The following MYOF variants were observed in gnomAD, a reference collection of about 807,000 sequenced individuals.
MYOF encodes fer-1-like 3, myoferlin.
Under a neutral mutation model 284.2 loss-of-function variants are expected in MYOF, and 244 were observed. That is an observed-to-expected ratio of 0.86 (90% confidence interval 0.77 to 0.95). The LOEUF is 0.95. MYOF is among the 40% of genes least tolerant of loss of function. MYOF has a pLI of 0.00. For synonymous variants in MYOF, 904 were observed against 919.7 expected (o/e 0.98, Z 0.31); for missense variants, 2,496 against 2,560.6 (o/e 0.97, Z 0.54).
chr10:93,464,284 C>A (rs1250561011), intron 1 of MYOF, among the ~76,000 whole-genome samples: 1 of 152,186 alleles, frequency 6.6e-6, no homozygotes, highest in East Asian at 1.9e-4. Context: ...GCCCGCCCTG[C>A]AAATTTCAGA....
Position 93,355,756 on chromosome 10 carries a change from T to C in MYOF, c.3295-20A>G. ...TGCCCCCTGAAGTCAATTAACAGAG[T>C]CAATTAGCAGAGAAGTCAATAAACA... On this transcript the variant is annotated intron_variant, in intron 30 of 53. Coordinates refer to ENST00000359263, the MANE Select transcript of MYOF (RefSeq NM_013451.4). 1 of 1,588,736 alleles carries C rather than the reference T, an allele frequency of 6.3e-7. No individual in the cohort carries two copies. The highest frequency in any genetic ancestry group is 1.1e-5 in the South Asian group (1 of 89,972).
rs761425525 is a variant in MYOF at position 93,389,122 on chromosome 10, G to C, written c.1489C>G (p.Pro497Ala). 5.6e-6 allele frequency: 9 copies of C among 1,613,922 alleles called. No individual in the cohort carries two copies. The highest frequency in any genetic ancestry group is 7.6e-6 in the Non-Finnish European group (9 of 1,179,978). Residue 497 changes from proline to alanine, a missense_variant, in exon 18 of 54, where the codon CCA (proline) becomes GCA (alanine). Physicochemically the swap from Pro to Ala is conservative, Grantham distance 27. Transcript: ENST00000359263. ...NTGETEVGFVPTFGPCYLNLY... is the reference protein window; with the variant it reads ...NTGETEVGFVATFGPCYLNLY... ...TTCAGGTAACAAGGTCCAAACGTTG[G>C]AACAAAGCCTACCTCTGTTTCTCCT...
Position 93,374,932 on chromosome 10 carries a change from C to G in MYOF, c.2132G>C (p.Gly711Ala). The change falls in exon 23 of 54, where the codon GGA becomes GCA. Residue 711 changes from glycine (G) to alanine (A), a missense_variant. Gly to Ala is a moderately conservative substitution (Grantham distance 60, BLOSUM62 0). Around this residue, in one of 3 missense-constraint regions of MYOF, gnomAD observed 2,436 missense variants for 2,480.7 expected, o/e 0.98. Coordinates refer to ENST00000359263, the MANE Select transcript of MYOF (RefSeq NM_013451.4). Reference sequence around the variant, plus strand: ...ATCGAGAACTGTGACGTTGGCTTTTCCTTCTGTGAGAGGCAACGTGTATCT... The same window carrying G: ...ATCGAGAACTGTGACGTTGGCTTTTGCTTCTGTGAGAGGCAACGTGTATCT... ...DTRYTLPLTE[G>A]KANVTVLDTQ... is the part of the protein sequence containing the mutation. 5 of 1,613,326 alleles carry G rather than the reference C, an allele frequency of 3.1e-6. No individual in the cohort carries two copies. The highest frequency in any genetic ancestry group is 4.2e-6 in the Non-Finnish European group (5 of 1,179,788).
intron 17 of MYOF, among the ~76,000 whole-genome samples, chr10:93,390,898 A>T (rs1264660807): frequency 6.6e-6 from 1 of 152,226 alleles, no homozygotes; most frequent in Non-Finnish European, 1.5e-5. Context: ...GTCATGTCAC[A>T]TTATGGATGG....
At chr10:93,395,649 C>G (rs760597269) in intron 16 of MYOF, among the ~76,000 whole-genome samples, 1 of 151,842 alleles carries the variant, frequency 6.6e-6, no homozygotes, top group Non-Finnish European at 1.5e-5. Context: ...AGAGTAAAGA[C>G]CAAATACACA....
chr10:93,387,900 G>A lies in MYOF; in HGVS notation c.1595C>T (p.Ala532Val), dbSNP rs1846470167. Residue 532 changes from alanine to valine, a missense_variant, in exon 19 of 54, where the codon GCC (alanine) becomes GTC (valine). Around this residue, in one of 3 missense-constraint regions of MYOF, gnomAD observed 2,436 missense variants for 2,480.7 expected, o/e 0.98. Coordinates refer to ENST00000359263, the MANE Select transcript of MYOF (RefSeq NM_013451.4). The stretch of plus-strand genomic sequence containing the variant: ...TTCAACCAAGATCCTGCCTCTGTAG[G>A]CAACTCCTTCCCCCTGAAAGGCAAT... ...ELNTGKGEGV[A>V]YRGRILVELA... is the part of the protein sequence containing the mutation. 6.2e-7 allele frequency: 1 copy of A among 1,613,436 alleles called. No homozygotes were observed. Among genetic ancestry groups the A allele is most frequent in the South Asian group, 1.1e-5 (1 of 91,076 alleles).
intron 48 of MYOF, among the ~76,000 whole-genome samples, chr10:93,322,383 C>A (rs1463024883): frequency 6.6e-6 from 1 of 152,154 alleles, no homozygotes; most frequent in Non-Finnish European, 1.5e-5. Context: ...TAATCATTAT[C>A]ACCATTTTAC....
Position 93,333,894 on chromosome 10 carries a change from G to C in MYOF, c.4583C>G (p.Pro1528Arg), listed in dbSNP as rs770515398. Residue 1528 changes from proline to arginine, a missense_variant, in exon 42 of 54, where the codon CCT becomes CGT. Pro to Arg is a moderately radical substitution (Grantham distance 103). Coordinates refer to ENST00000359263, the MANE Select transcript of MYOF (RefSeq NM_013451.4). ...GEFKGSFRIY[P>R]LPDDPSVPAP... Reference sequence around the variant, plus strand: ...TGGCACGCTGGGGTCATCCGGCAGAGGGTAGATCCGAAAGGAGCCCTAAAA... The same window carrying C: ...TGGCACGCTGGGGTCATCCGGCAGACGGTAGATCCGAAAGGAGCCCTAAAA... 1.2e-6 allele frequency: 2 copies of C among 1,614,078 alleles called. No individual in the cohort carries two copies. Among genetic ancestry groups the C allele is most frequent in the Non-Finnish European group, 1.7e-6 (2 of 1,180,016 alleles).
At chr10:93,320,107 G>T in intron 48 of MYOF, 94 bp from the exon 49 acceptor site, 1 of 1,429,410 alleles carries the variant, frequency 7.0e-7, no homozygotes, top group Non-Finnish European at 9.7e-7. Flanking sequence ...AAGAGCAGGA[G>T]AATTAATGCA....
rs35070199 is a variant in MYOF, at chr10:93,339,367, T to TTGTGTGTGTGTGTGTG, written c.4338+770_4338+785dup. Among the ~76,000 whole-genome samples, 350 of 150,328 alleles carry TTGTGTGTGTGTGTGTG rather than the reference T, an allele frequency of 2.3e-3. 2 individuals carry two copies. Among genetic ancestry groups the TTGTGTGTGTGTGTGTG allele is most frequent in the East Asian group, 0.021 (106 of 5,006 alleles). On this transcript the variant is annotated intron_variant, in intron 39 of 53. Coordinates refer to ENST00000359263, the MANE Select transcript of MYOF (RefSeq NM_013451.4). ...ATATGTTACATTATATGCTTCTTAT[T>TTGTGTGTGTGTGTGTG]TGTGTGTGTGTGTGTGTGTGTGTGT...
At chr10:93,339,231 T>G (rs1376893943) in intron 39 of MYOF, among the ~76,000 whole-genome samples, 1 of 152,146 alleles carries the variant, frequency 6.6e-6, no homozygotes, top group Non-Finnish European at 1.5e-5. Flanking sequence ...CAGGCTGGTC[T>G]CGAACTCCTG....
Position 93,379,853 on chromosome 10 carries a change from A to G in MYOF, c.2001+10T>C. 1.9e-6 allele frequency: 3 copies of G among 1,613,266 alleles called. No individual in the cohort carries two copies. In the South Asian group the frequency reaches 3.3e-5, roughly 18 times the overall value. On this transcript the variant is annotated intron_variant, in intron 21 of 53. Transcript: ENST00000359263. ...TGGTGAAAAGGAAATGCAGAAAAAG[A>G]GAAACTTACCAGCCGTTCTGCCATA...
At chr10:93,369,520 A>T (rs944083121) in intron 25 of MYOF, 125 bp downstream of exon 25, 2 of 1,372,308 alleles carry the variant, frequency 1.5e-6, no homozygotes, top group Admixed American at 4.2e-5. Context: ...CTTCGATGGG[A>T]TTTTAGGGGA....
chr10:93,457,048 T>A, intron 1 of MYOF, 111 bp from the exon 2 acceptor site: 1 of 715,520 alleles, frequency 1.4e-6, no homozygotes, highest in South Asian at 1.9e-5. Flanking sequence ...CACCCACATC[T>A]CCCCATTCAT....
chr10:93,344,022 G>A lies in MYOF; in HGVS notation c.4250-90C>T, dbSNP rs142037184. 3.2e-4 allele frequency: 444 copies of A among 1,369,868 alleles called. 1 individual carries two copies. The African/African-American group carries it at 5.9e-3, about 18-fold the overall frequency. 84.9% of individuals were successfully genotyped at this position (1,369,868 alleles called of 1,614,324 possible). On this transcript the variant is annotated intron_variant, in intron 37 of 53. Transcript: ENST00000359263. Reference sequence around the variant, plus strand: ...CAAGTTCAAGTTTAACAGCCATAGGGTGGATGGTAGAGTTTATTCTTGGAT... The same window carrying A: ...CAAGTTCAAGTTTAACAGCCATAGGATGGATGGTAGAGTTTATTCTTGGAT...
chr10:93,353,146 C>A (rs567707522), intron 32 of MYOF, among the ~76,000 whole-genome samples: 5 of 152,190 alleles, frequency 3.3e-5, no homozygotes, highest in Non-Finnish European at 7.3e-5. Flanking sequence ...GAGTCCCAAA[C>A]TGGAATTCTC....
At chr10:93,434,441 A>C (rs1035299034) in intron 3 of MYOF, among the ~76,000 whole-genome samples, 22 of 151,920 alleles carry the variant, frequency 1.4e-4, no homozygotes, top group East Asian at 9.7e-4. Flanking sequence ...AAAAAAAAAA[A>C]AAAAAACAAA....
At chr10:93,396,581 G>C (rs1467943143) in intron 15 of MYOF, among the ~76,000 whole-genome samples, 1 of 152,180 alleles carries the variant, frequency 6.6e-6, no homozygotes, top group Non-Finnish European at 1.5e-5. Flanking sequence ...CAATTGTACA[G>C]AGAGGCCAAG....
Position 93,424,828 on chromosome 10 carries a change from C to T in MYOF, c.433+1243G>A, listed in dbSNP as rs539166082. Among the ~76,000 whole-genome samples, 1,087 of 151,290 alleles carry T rather than the reference C, an allele frequency of 7.2e-3. 4 individuals are homozygous for T. Among genetic ancestry groups the T allele is most frequent in the Non-Finnish European group, 0.011 (752 of 67,900 alleles). On this transcript the variant is annotated intron_variant, in intron 5 of 53. Transcript: ENST00000359263. ...GGTGTAAAGTGAACCCTCGGGCGGC[C>T]GGAGAGCCAAGTTCCCAACCAAGAG...
Sources: gnomAD v4.1 joint callset for allele counts (sites outside exome capture counted in the v4.1 genomes callset) on GRCh38, gnomAD v4.1.1 for gene constraint, gnomAD v4.1.1 regional missense constraint, MANE v1.5 for transcripts, NCBI Gene and HGNC (gene_info 2026-07-23, HGNC 2026-07-21) for gene names.